The following MME variants were observed in gnomAD, a reference collection of about 807,000 sequenced individuals.
MME encodes membrane metalloendopeptidase, also known as neprilysin.
Under a neutral mutation model 113.2 loss-of-function variants are expected in MME, and 98 were observed. That is an observed-to-expected ratio of 0.87 (90% confidence interval 0.74 to 1.02). The LOEUF is 1.02. Ranked by LOEUF, MME falls within the 50% of genes least tolerant of loss-of-function variation. The pLI is 0.00. For missense variants in MME, 836 were observed against 896.0 expected (o/e 0.93, Z 0.86); for synonymous variants, 292 against 300.6 (o/e 0.97, Z 0.30).
At position 155,092,400 on chromosome 3, in the gene MME, T is replaced by C. The variant is rs577916714; in HGVS notation, c.196+7306T>C. 1.1e-4 allele frequency among the ~76,000 whole-genome samples: 17 copies of C among 152,328 alleles called. No homozygotes were observed. In the South Asian group the frequency reaches 3.5e-3, roughly 32 times the overall value. On this transcript the variant is annotated intron_variant, in intron 3 of 22. Coordinates refer to ENST00000360490, the MANE Select transcript of MME (RefSeq NM_007289.4). ...TGGTGGGAATGTAAATTTTAGTACA[T>C]CTGGATCAACATGTTAGAAACATTT...
chr3:155,113,378 C>T (rs575779991), intron 3 of MME, among the ~76,000 whole-genome samples: 44 of 152,298 alleles, frequency 2.9e-4, no homozygotes, highest in Admixed American at 9.8e-4. Context: ...CTCCCGAGTT[C>T]AAGCTATTCT....
chr3:155,096,454 G>A (rs1716748382), intron 3 of MME, among the ~76,000 whole-genome samples: 3 of 152,172 alleles, frequency 2.0e-5, no homozygotes, highest in African/African-American at 7.2e-5. Flanking sequence ...AAGGAGAAGT[G>A]TTCACTATTG....
chr3:155,067,055 A>G (rs951242968), intron 1 of MME, among the ~76,000 whole-genome samples: 1 of 152,090 alleles, frequency 6.6e-6, no homozygotes, highest in Non-Finnish European at 1.5e-5. Context: ...AAGGCAGAAT[A>G]TTTAGGTTGG....
chr3:155,137,258 GT>G (rs1720704917), intron 8 of MME, among the ~76,000 whole-genome samples: 1 of 152,168 alleles, frequency 6.6e-6, no homozygotes, highest in Non-Finnish European at 1.5e-5. Context: ...ACAGGTGTGT[GT>G]TGGTGGAGCT....
At chr3:155,046,148 C>A (rs542585002) in intron 1 of MME, among the ~76,000 whole-genome samples, 28 of 152,252 alleles carry the variant, frequency 1.8e-4, no homozygotes, top group African/African-American at 6.7e-4. Context: ...CTATGTGTCC[C>A]TGAGAGCTGA....
upstream of MME, among the ~76,000 whole-genome samples, chr3:155,077,037 C>T (rs1252325711): frequency 1.3e-5 from 2 of 152,124 alleles, no homozygotes; most frequent in African/African-American, 4.8e-5. Context: ...CCTACATCAT[C>T]GTATGACTAA....
chr3:155,047,346 G>A (rs1223854445), intron 1 of MME, among the ~76,000 whole-genome samples: 11 of 152,166 alleles, frequency 7.2e-5, no homozygotes, highest in Admixed American at 3.3e-4. Context: ...TAACCTAGGA[G>A]CAACAGGCTA....
At chr3:155,049,364 T>C (rs1189230914) in intron 1 of MME, among the ~76,000 whole-genome samples, 1 of 152,024 alleles carries the variant, frequency 6.6e-6, no homozygotes, top group African/African-American at 2.4e-5. Flanking sequence ...ATGTACAGAC[T>C]GGAGTGATAC....
upstream of MME, among the ~76,000 whole-genome samples, chr3:155,078,635 AG>A (rs2108150863): frequency 6.7e-6 from 1 of 149,302 alleles, no homozygotes; most frequent in East Asian, 2.0e-4. Flanking sequence ...TGAATTCCGC[AG>A]TGGAGTGTGA....
intron 1 of MME, among the ~76,000 whole-genome samples, chr3:155,030,212 A>G (rs1029093210): frequency 6.6e-6 from 1 of 152,210 alleles, no homozygotes; most frequent in African/African-American, 2.4e-5. Flanking sequence ...ATAAACTTTA[A>G]GCCAATGTCT....
At chr3:155,166,321 G>T (rs139478756) in intron 17 of MME, among the ~76,000 whole-genome samples, 88 of 152,236 alleles carry the variant, frequency 5.8e-4, no homozygotes, top group African/African-American at 1.9e-3. Context: ...TGATCATAAA[G>T]AAATAAATAG....
Position 155,110,070 on chromosome 3 carries a change from C to T in MME, c.197-4924C>T, listed in dbSNP as rs1045262770. On this transcript the variant is annotated intron_variant, in intron 3 of 22. Transcript: ENST00000360490. ...CAACAAGAATTGTTGGTGATAAGTCCGACAGTGGAGAGGCTGTGGCTGCAG... is the reference window on the plus strand; with the variant it reads ...CAACAAGAATTGTTGGTGATAAGTCTGACAGTGGAGAGGCTGTGGCTGCAG... 7.2e-5 allele frequency among the ~76,000 whole-genome samples: 11 copies of T among 152,074 alleles called. No homozygotes were observed. In the South Asian group the frequency reaches 8.3e-4, roughly 11 times the overall value.
intron 1 of MME, among the ~76,000 whole-genome samples, chr3:155,072,523 C>G (rs1192770519): frequency 1.3e-5 from 2 of 152,138 alleles, no homozygotes; most frequent in East Asian, 3.9e-4. Flanking sequence ...TTAGCTGCAA[C>G]TGGTTATTTT....
At chr3:155,060,841 G>C (rs1342133034) in intron 1 of MME, among the ~76,000 whole-genome samples, 1 of 151,730 alleles carries the variant, frequency 6.6e-6, no homozygotes, top group African/African-American at 2.4e-5. Context: ...GAGAGAGAGA[G>C]AGAGAGAGAG....
intron 1 of MME, among the ~76,000 whole-genome samples, chr3:155,070,913 G>T (rs1054053343): frequency 1.3e-5 from 2 of 152,136 alleles, no homozygotes; most frequent in Non-Finnish European, 2.9e-5. Context: ...GGGGTGTTTG[G>T]GTTTATTCCT....
chr3:155,053,558 G>A (rs1713829325), intron 1 of MME, among the ~76,000 whole-genome samples: 1 of 152,118 alleles, frequency 6.6e-6, no homozygotes, highest in Non-Finnish European at 1.5e-5. Flanking sequence ...ACCTCCCATA[G>A]AGTCCCTCCC....
chr3:155,039,410 G>A (rs7632185), intron 1 of MME, among the ~76,000 whole-genome samples: 24 of 152,202 alleles, frequency 1.6e-4, no homozygotes, highest in Admixed American at 3.3e-4. Flanking sequence ...GTAGAATTGC[G>A]CAGTGGCAGC....
intron 8 of MME, among the ~76,000 whole-genome samples, chr3:155,120,359 G>C (rs1220462638): frequency 2.8e-5 from 3 of 108,032 alleles, no homozygotes; most frequent in Admixed American, 2.2e-4. Context: ...CTCCCATTTT[G>C]TAAGTTGCCT....
At chr3:155,157,968 A>G (rs993074215) in intron 16 of MME, among the ~76,000 whole-genome samples, 3 of 152,158 alleles carry the variant, frequency 2.0e-5, no homozygotes, top group African/African-American at 2.4e-5. Flanking sequence ...AAAGCCCTCA[A>G]TGTAATGTAA....
Sources: gnomAD v4.1 joint callset for allele counts (sites outside exome capture counted in the v4.1 genomes callset) on GRCh38, gnomAD v4.1.1 for gene constraint, MANE v1.5 for transcripts, NCBI Gene and HGNC (gene_info 2026-07-23, HGNC 2026-07-21) for gene names.